CA10: variants seen among roughly 807,000 people sequenced by gnomAD.
CA10 encodes the protein carbonic anhydrase 10 (inactive).
In CA10, 14 loss-of-function variants were observed where a neutral mutation model predicts 44.2. The ratio of observed to expected loss-of-function variants is 0.32; its 90% CI spans 0.21 to 0.50. CA10 has a LOEUF of 0.50. Ranked by LOEUF, CA10 falls within the 20% of genes least tolerant of loss-of-function variation. CA10 has a pLI of 0.99. For missense variants in CA10, 350 were observed against 409.7 expected, an observed-to-expected ratio of 0.85 and a Z score of 1.26; for synonymous variants, 159 against 141.6, an observed-to-expected ratio of 1.12 and a Z score of -0.87.
rs1384848529 is a variant in CA10 at position 51,754,419 on chromosome 17, A to C, written c.280-6601T>G. Among the ~76,000 whole-genome samples, 5 of 75,796 alleles carry C rather than the reference A, an allele frequency of 6.6e-5. No individual in the cohort carries two copies. The Admixed American group carries it at 7.5e-4, about 11-fold the overall frequency. The allele number at this position is 75,796 out of a possible 152,430, so 49.7% of individuals were successfully genotyped here. On this transcript the variant is annotated intron_variant, in intron 3 of 8. Transcript: ENST00000451037. The stretch of plus-strand genomic sequence containing the variant: ...GTGTGTGATATATATATATATATAT[A>C]TATATATATATATATATATATATAT...
chr17:51,750,505 T>G (rs1007768800), intron 3 of CA10, among the ~76,000 whole-genome samples: 11 of 152,228 alleles, frequency 7.2e-5, no homozygotes, highest in African/African-American at 2.7e-4. Context: ...CCTTTCACTT[T>G]TTCATTATTG....
rs191704646 is a variant in CA10 at position 52,103,885 on chromosome 17, A to G, written c.62-31492T>C. Among the ~76,000 whole-genome samples the G allele has an allele frequency of 8.7e-4, 132 of 152,254 alleles. 1 individual carries two copies. The highest frequency in any genetic ancestry group is 1.6e-3 in the Non-Finnish European group (111 of 68,030). On this transcript the variant is annotated intron_variant, in intron 1 of 8. Coordinates refer to ENST00000451037, the MANE Select transcript of CA10 (RefSeq NM_020178.5). The stretch of plus-strand genomic sequence containing the variant: ...GCATGGGCGCTGCCTCACACCTTAG[A>G]TGTTTCCACATGGGCAGACTGATAT...
At chr17:51,944,327 C>T (rs1012422195) in intron 2 of CA10, among the ~76,000 whole-genome samples, 8 of 152,204 alleles carry the variant, frequency 5.3e-5, no homozygotes, top group East Asian at 1.9e-4. Context: ...AAGTTTTAAC[C>T]GGTATGTGGC....
chr17:51,831,678 G>GCAGCAGCATCAGCAGCAGCAT (rs1908254628), intron 3 of CA10, among the ~76,000 whole-genome samples: 5 of 49,034 alleles, frequency 1.0e-4, no homozygotes, highest in African/African-American at 3.4e-4. Flanking sequence ...AGCAGCAGCA[G>GCAGCAGCATCAGCAGCAGCAT]CAGCAGCAGC....
At chr17:52,060,471 T>C (rs1305986302) in intron 2 of CA10, among the ~76,000 whole-genome samples, 1 of 152,166 alleles carries the variant, frequency 6.6e-6, no homozygotes, top group Non-Finnish European at 1.5e-5. Context: ...GACAAATGTA[T>C]TGCTAATGTA....
At chr17:51,863,983 C>T (rs1045973032) in intron 3 of CA10, among the ~76,000 whole-genome samples, 26 of 152,112 alleles carry the variant, frequency 1.7e-4, no homozygotes, top group Non-Finnish European at 3.1e-4. Context: ...ATAACCAGTC[C>T]CTTTCCTTTC....
intron 3 of CA10, among the ~76,000 whole-genome samples, chr17:51,836,586 C>T (rs1019619221): frequency 6.6e-6 from 1 of 152,192 alleles, no homozygotes; most frequent in African/African-American, 2.4e-5. Flanking sequence ...CCCTTCCCCA[C>T]CAGGTAGTAA....
At chr17:52,150,741 A>C (rs1989686100) in intron 1 of CA10, among the ~76,000 whole-genome samples, 2 of 152,298 alleles carry the variant, frequency 1.3e-5, no homozygotes, top group South Asian at 4.2e-4. Context: ...TCTATTGCTT[A>C]ACCCATAATT....
intron 2 of CA10, among the ~76,000 whole-genome samples, chr17:51,940,225 T>G (rs945415241): frequency 2.6e-5 from 4 of 152,108 alleles, no homozygotes; most frequent in African/African-American, 4.8e-5. Flanking sequence ...TTGCTTCTGG[T>G]CTTTCTAGAT....
At chr17:51,652,153 G>T (rs186561885) in intron 5 of CA10, among the ~76,000 whole-genome samples, 33 of 152,294 alleles carry the variant, frequency 2.2e-4, no homozygotes, top group Admixed American at 2.0e-3. Flanking sequence ...GGAAGACTTG[G>T]ATCCTCTCCT....
intron 1 of CA10, among the ~76,000 whole-genome samples, chr17:52,124,530 C>T (rs1249283031): frequency 6.6e-6 from 1 of 152,164 alleles, no homozygotes; most frequent in African/African-American, 2.4e-5. Context: ...CTAGAGAGCT[C>T]TATCTTCCTG....
intron 1 of CA10, among the ~76,000 whole-genome samples, chr17:52,127,126 C>T (rs1989136128): frequency 6.6e-6 from 1 of 152,162 alleles, no homozygotes; most frequent in Admixed American, 6.5e-5. Flanking sequence ...GAAGTGATTA[C>T]TGTTATCAAT....
At chr17:51,889,295 G>A (rs963230207) in intron 3 of CA10, among the ~76,000 whole-genome samples, 5 of 152,058 alleles carry the variant, frequency 3.3e-5, no homozygotes, top group Non-Finnish European at 7.3e-5. Flanking sequence ...GCTGGAGAAG[G>A]CAGATTGCTT....
At chr17:52,091,662 A>G (rs1235361893) in intron 1 of CA10, among the ~76,000 whole-genome samples, 1 of 152,212 alleles carries the variant, frequency 6.6e-6, no homozygotes, top group African/African-American at 2.4e-5. Flanking sequence ...CTCTAAGCTC[A>G]GGGAACTTGG....
At chr17:51,665,245 C>T (rs1914164825) in intron 4 of CA10, among the ~76,000 whole-genome samples, 1 of 152,154 alleles carries the variant, frequency 6.6e-6, no homozygotes, top group African/African-American at 2.4e-5. Flanking sequence ...GAAACACACA[C>T]TGGTTTATTT....
intron 4 of CA10, among the ~76,000 whole-genome samples, chr17:51,705,370 C>T (rs1452907159): frequency 6.6e-6 from 1 of 152,146 alleles, no homozygotes; most frequent in African/African-American, 2.4e-5. Flanking sequence ...CAACCCTGAA[C>T]CATAGCAGAG....
At chr17:51,724,190 C>T (rs1473716075) in intron 4 of CA10, among the ~76,000 whole-genome samples, 1 of 152,198 alleles carries the variant, frequency 6.6e-6, no homozygotes, top group African/African-American at 2.4e-5. Context: ...ACTGTCCTTG[C>T]AGAGTGGCAG....
At chr17:51,670,527 C>A (rs1216184178) in intron 4 of CA10, among the ~76,000 whole-genome samples, 1 of 151,874 alleles carries the variant, frequency 6.6e-6, no homozygotes, top group Non-Finnish European at 1.5e-5. Flanking sequence ...GACACCAACT[C>A]ATGCGTGAAT....
chr17:51,694,450 T>C (rs2054904428), intron 4 of CA10, among the ~76,000 whole-genome samples: 1 of 152,184 alleles, frequency 6.6e-6, no homozygotes, highest in Non-Finnish European at 1.5e-5. Flanking sequence ...GTATATTTTC[T>C]TTTGAGAAGT....
Sources: allele counts gnomAD v4.1 joint callset (sites outside exome capture counted in the v4.1 genomes callset), GRCh38; gene constraint gnomAD v4.1.1; transcripts MANE v1.5; gene names NCBI Gene and HGNC (gene_info 2026-07-23, HGNC 2026-07-21).